Variants in DGKG observed in about 807,000 individuals in gnomAD.
The protein encoded by DGKG is diacylglycerol kinase gamma.
DGKG carries 78 observed loss-of-function variants against 105.3 expected under a neutral mutation model. The observed-to-expected ratio is 0.74, with a 90% CI of 0.62 to 0.89. The LOEUF is 0.89. DGKG is among the 40% of genes least tolerant of loss of function. The pLI is 0.00. For missense variants in DGKG, 958 were observed against 1,020.1 expected, an observed-to-expected ratio of 0.94 and a Z score of 0.83; for synonymous variants, 346 against 367.1, an observed-to-expected ratio of 0.94 and a Z score of 0.66.
At chr3:186,199,395 T>G (rs1446063145) in intron 21 of DGKG, among the ~76,000 whole-genome samples, 1 of 152,208 alleles carries the variant, frequency 6.6e-6, no homozygotes, top group African/African-American at 2.4e-5. Context: ...GATAATGATA[T>G]TAATCCACAC....
At position 186,359,622 on chromosome 3, in the gene DGKG, C is replaced by T. The variant is rs116135451; in HGVS notation, c.-249+2324G>A. On this transcript the variant is annotated intron_variant, in intron 1 of 24. Coordinates refer to ENST00000265022, the MANE Select transcript of DGKG (RefSeq NM_001346.3). The stretch of plus-strand genomic sequence containing the variant: ...AAAATGGGATTGATAGTAATAACAC[C>T]TCAGAGGGACTCCTGAGGATTAAAG... Among the ~76,000 whole-genome samples, 793 of 152,180 alleles carry T rather than the reference C, an allele frequency of 5.2e-3. 10 individuals carry two copies. Among genetic ancestry groups the T allele is most frequent in the African/African-American group, 0.018 (751 of 41,498 alleles).
chr3:186,215,489 G>A (rs1719238275), intron 20 of DGKG, among the ~76,000 whole-genome samples: 1 of 151,920 alleles, frequency 6.6e-6, no homozygotes, highest in African/African-American at 2.4e-5. Flanking sequence ...ATGGGGTGAT[G>A]GTAGTGACCT....
rs200595122 is a variant in DGKG at position 186,188,325 on chromosome 3, G to C, written c.1972C>G (p.Leu658Val). 9 of 1,613,998 alleles carry C rather than the reference G, an allele frequency of 5.6e-6. No homozygotes were observed. Among genetic ancestry groups the C allele is most frequent in the Non-Finnish European group, 7.6e-6 (9 of 1,180,040 alleles). ...SNIFLEGIAI[L>V]NIPSMYGGTN... is the part of the protein sequence containing the mutation. ...CCTCCGTACATGCTGGGAATGTTGA[G>C]AATGGCAATGCCTTCCAGGAAGATG... Residue 658 changes from leucine (L) to valine (V), a missense_variant, in exon 22 of 25, where the codon CTC becomes GTC. Transcript: ENST00000265022.
intron 20 of DGKG, among the ~76,000 whole-genome samples, chr3:186,233,549 G>T (rs1217830533): frequency 1.3e-5 from 2 of 152,136 alleles, no homozygotes; most frequent in East Asian, 3.9e-4. Flanking sequence ...GCGCGATCTC[G>T]GCTCACTGCA....
intron 17 of DGKG, among the ~76,000 whole-genome samples, chr3:186,253,943 C>T (rs947489520): frequency 2.0e-5 from 3 of 152,182 alleles, no homozygotes; most frequent in African/African-American, 7.2e-5. Context: ...TGTTATTTGG[C>T]CCCCACAACC....
chr3:186,206,699 C>G (rs1276352394), intron 21 of DGKG, among the ~76,000 whole-genome samples: 1 of 151,926 alleles, frequency 6.6e-6, no homozygotes, highest in African/African-American at 2.4e-5. Context: ...TGCCTTAGAC[C>G]AGGGATGGTG....
At chr3:186,196,436 G>A (rs1474739035) in intron 21 of DGKG, among the ~76,000 whole-genome samples, 2 of 152,180 alleles carry the variant, frequency 1.3e-5, no homozygotes, top group Non-Finnish European at 2.9e-5. Flanking sequence ...ACTGCGCCCA[G>A]CCTTTTTCTC....
At chr3:186,259,424 G>T (rs1721646291) in intron 16 of DGKG, among the ~76,000 whole-genome samples, 1 of 152,182 alleles carries the variant, frequency 6.6e-6, no homozygotes, top group Admixed American at 6.5e-5. Context: ...GCTCTGTTCT[G>T]AAATTACTTT....
At chr3:186,261,620 G>T (rs1292006160) in intron 15 of DGKG, 79 bp downstream of exon 15, 3 of 1,009,766 alleles carry the variant, frequency 3.0e-6, no homozygotes, top group South Asian at 1.4e-5. Flanking sequence ...TCCACAGCCT[G>T]CTGTGTTCCT....
At chr3:186,213,835 G>A (rs57816510) in intron 20 of DGKG, among the ~76,000 whole-genome samples, 12,260 of 152,190 alleles carry the variant, frequency 0.081, 557 homozygotes, top group Middle Eastern at 0.17. Context: ...ACATGGAAAA[G>A]GACAGAACCA....
intron 19 of DGKG, among the ~76,000 whole-genome samples, chr3:186,248,864 C>T (rs565142489): frequency 2.6e-4 from 39 of 152,300 alleles, no homozygotes; most frequent in Middle Eastern, 3.4e-3. Context: ...TTACAAAACA[C>T]AAATGGATAA....
At chr3:186,263,105 C>T (rs138694569) in intron 14 of DGKG, among the ~76,000 whole-genome samples, 5 of 149,588 alleles carry the variant, frequency 3.3e-5, no homozygotes, top group South Asian at 2.1e-4. Flanking sequence ...CCAGCCTGGG[C>T]GACAGAGCAA....
chr3:186,232,986 A>C (rs1434449928), intron 20 of DGKG, among the ~76,000 whole-genome samples: 1 of 152,202 alleles, frequency 6.6e-6, no homozygotes, highest in Non-Finnish European at 1.5e-5. Context: ...GACACTTTAA[A>C]TGCATTGTTC....
chr3:186,320,685 A>ACCTTG lies in DGKG; in HGVS notation c.-227_-226insCAAGG. On this transcript the variant is annotated 5_prime_UTR_variant, in exon 2 of 25. Transcript: ENST00000265022. ...ACATCCTCCTGTCTGTATTCAAGGT[A>ACCTTG]AATTCAGAAGTCCTGGCTCTTCCTA... The ACCTTG allele has an allele frequency of 1.9e-6, 1 of 538,512 alleles. No homozygotes were observed. The highest frequency in any genetic ancestry group is 3.0e-6 in the Non-Finnish European group (1 of 334,132). 33.4% of individuals were successfully genotyped at this position (538,512 alleles called of 1,614,324 possible).
chr3:186,175,114 C>T (rs1476709635), intron 22 of DGKG, among the ~76,000 whole-genome samples: 1 of 152,146 alleles, frequency 6.6e-6, no homozygotes, highest in Non-Finnish European at 1.5e-5. Flanking sequence ...AAATCATTTC[C>T]CTCCTCAGGG....
intron 2 of DGKG, among the ~76,000 whole-genome samples, chr3:186,308,789 C>T (rs148126062): frequency 0.011 from 1,649 of 152,232 alleles, 31 homozygotes; most frequent in African/African-American, 0.037. Flanking sequence ...GGGTAAGATG[C>T]GGCAAGATAC....
chr3:186,337,236 T>C (rs1451176704), intron 1 of DGKG, among the ~76,000 whole-genome samples: 1 of 151,904 alleles, frequency 6.6e-6, no homozygotes, highest in Admixed American at 6.6e-5. Context: ...AATAGTAAAA[T>C]TCAGTATAGC....
intron 20 of DGKG, among the ~76,000 whole-genome samples, chr3:186,227,005 C>T (rs1454234252): frequency 6.6e-6 from 1 of 152,042 alleles, no homozygotes; most frequent in Non-Finnish European, 1.5e-5. Context: ...CAAATTTAAA[C>T]ACTCCTACAA....
At chr3:186,297,399 G>C (rs752083478) in intron 5 of DGKG, 22 bp downstream of exon 5, 66 of 1,592,004 alleles carry the variant, frequency 4.1e-5, no homozygotes, top group Non-Finnish European at 5.5e-5. Context: ...TTTCCCACAA[G>C]TCTTATATTC....
Sources: gnomAD v4.1 joint callset for allele counts (sites outside exome capture counted in the v4.1 genomes callset) on GRCh38, gnomAD v4.1.1 for gene constraint, MANE v1.5 for transcripts, NCBI Gene and HGNC (gene_info 2026-07-23, HGNC 2026-07-21) for gene names.